Variants in MACROD2 observed in about 807,000 individuals in gnomAD.
MACROD2 encodes the protein mono-ADP ribosylhydrolase 2.
In MACROD2, 36 loss-of-function variants were observed where a neutral mutation model predicts 70.4. The observed-to-expected ratio is 0.51, with a 90% CI of 0.39 to 0.68. The LOEUF (loss-of-function observed/expected upper bound fraction) is 0.68. Among genes scored for constraint, MACROD2 ranks in the 30% least tolerant of loss-of-function variants. The pLI is 0.00. For missense variants in MACROD2, 496 were observed against 538.4 expected (o/e 0.92, Z 0.78); for synonymous variants, 172 against 178.8 (o/e 0.96, Z 0.30).
intron 5 of MACROD2, among the ~76,000 whole-genome samples, chr20:14,722,138 A>G (rs1040870320): frequency 1.3e-5 from 2 of 152,152 alleles, no homozygotes; most frequent in Admixed American, 6.5e-5. Flanking sequence ...TAAGACTCTC[A>G]TTTTTTGATG....
At chr20:15,365,253 T>C (rs1470925637) in intron 6 of MACROD2, among the ~76,000 whole-genome samples, 2 of 152,132 alleles carry the variant, frequency 1.3e-5, no homozygotes, top group African/African-American at 4.8e-5. Context: ...TTCTGAATAT[T>C]GAAAGATCTA....
intron 5 of MACROD2, among the ~76,000 whole-genome samples, chr20:14,973,924 A>G (rs2074714815): frequency 1.3e-5 from 2 of 152,164 alleles, no homozygotes; most frequent in African/African-American, 2.4e-5. Context: ...ACATAGAATA[A>G]TGTTTCCAAA....
chr20:15,716,606 G>T (rs1011281333), intron 8 of MACROD2, among the ~76,000 whole-genome samples: 1 of 152,156 alleles, frequency 6.6e-6, no homozygotes, highest in Admixed American at 6.5e-5. Context: ...ATTTTACAGT[G>T]TTTTAAAAAA....
intron 4 of MACROD2, among the ~76,000 whole-genome samples, chr20:14,566,318 TG>T (rs1316333591): frequency 2.0e-5 from 3 of 151,902 alleles, no homozygotes; most frequent in African/African-American, 7.2e-5. Flanking sequence ...TCCTAGCTAC[TG>T]GGAAGGCTGA....
rs186247232 is a variant in MACROD2, at chr20:14,342,046, G to C, written c.272-151433G>C. On this transcript the variant is annotated intron_variant, in intron 3 of 17. Coordinates refer to ENST00000684519, the MANE Select transcript of MACROD2 (RefSeq NM_001351661.2). Reference sequence around the variant, plus strand: ...AAAAGCCCCTGCACGGAGCCCTGGGGGGGTCACTGTTTCTCATTTGCTTAA... The same window carrying C: ...AAAAGCCCCTGCACGGAGCCCTGGGCGGGTCACTGTTTCTCATTTGCTTAA... 2.9e-3 allele frequency among the ~76,000 whole-genome samples: 443 copies of C among 152,246 alleles called. 1 individual carries two copies. The highest frequency in any genetic ancestry group is 3.6e-3 in the Non-Finnish European group (242 of 68,026).
chr20:14,611,297 A>G (rs1483077606), intron 4 of MACROD2, among the ~76,000 whole-genome samples: 2 of 152,136 alleles, frequency 1.3e-5, no homozygotes, highest in African/African-American at 4.8e-5. Context: ...GATGTGAAAC[A>G]TTAGAAGAAT....
intron 13 of MACROD2, among the ~76,000 whole-genome samples, chr20:15,977,638 G>T (rs183155772): frequency 6.6e-6 from 1 of 152,280 alleles, no homozygotes; most frequent in East Asian, 1.9e-4. Flanking sequence ...AATGGGTGCT[G>T]GGCAGGAAAA....
chr20:14,194,408 A>G (rs1020447201), intron 3 of MACROD2, among the ~76,000 whole-genome samples: 6 of 152,170 alleles, frequency 3.9e-5, no homozygotes, highest in African/African-American at 1.4e-4. Flanking sequence ...ACTAGAAGTG[A>G]ATGAGGGTAG....
chr20:14,698,779 TA>T (rs1354171197), intron 5 of MACROD2, among the ~76,000 whole-genome samples: 3 of 149,168 alleles, frequency 2.0e-5, no homozygotes, highest in African/African-American at 7.3e-5. Context: ...ATTATTTAAT[TA>T]AATAATTACA....
At chr20:15,212,940 A>C (rs2076776758) in intron 5 of MACROD2, among the ~76,000 whole-genome samples, 1 of 152,206 alleles carries the variant, frequency 6.6e-6, no homozygotes, top group Non-Finnish European at 1.5e-5. Context: ...CTAGAAACTC[A>C]TGTTTTGTTT....
intron 5 of MACROD2, among the ~76,000 whole-genome samples, chr20:14,711,525 G>T (rs16994825): frequency 6.6e-6 from 1 of 152,082 alleles, no homozygotes; most frequent in African/African-American, 2.4e-5. Flanking sequence ...ATTCTTGAAG[G>T]CTTTAAAAAT....
chr20:15,204,549 A>G (rs1361805065), intron 5 of MACROD2, among the ~76,000 whole-genome samples: 3 of 152,036 alleles, frequency 2.0e-5, no homozygotes, highest in African/African-American at 7.2e-5. Context: ...ACCTTGTGCA[A>G]CTCTTGAAAT....
At chr20:15,565,191 C>A (rs1052910915) in intron 8 of MACROD2, among the ~76,000 whole-genome samples, 1 of 152,142 alleles carries the variant, frequency 6.6e-6, no homozygotes, top group Non-Finnish European at 1.5e-5. Context: ...TTTCTGGTAA[C>A]TAACTTGCAT....
chr20:15,922,474 G>A (rs1295190397), intron 10 of MACROD2, among the ~76,000 whole-genome samples: 1 of 152,098 alleles, frequency 6.6e-6, no homozygotes, highest in East Asian at 1.9e-4. Flanking sequence ...AACATTTATA[G>A]CACATCTCAA....
chr20:14,554,961 C>T (rs573034004), intron 4 of MACROD2, among the ~76,000 whole-genome samples: 22 of 151,212 alleles, frequency 1.5e-4, no homozygotes, highest in Non-Finnish European at 2.8e-4. Context: ...GACATACTTC[C>T]TTCAAATATA....
chr20:14,408,882 GC>G (rs1411888258), intron 3 of MACROD2, among the ~76,000 whole-genome samples: 1 of 152,074 alleles, frequency 6.6e-6, no homozygotes, highest in Non-Finnish European at 1.5e-5. Flanking sequence ...TATTTTTAGG[GC>G]TGTTTGTAGT....
rs1269289336 is a variant in MACROD2, at chr20:14,236,311, G to C, written c.271+150583G>C. Among the ~76,000 whole-genome samples, 3 of 152,042 alleles carry C rather than the reference G, an allele frequency of 2.0e-5. No homozygotes were observed. The East Asian group carries it at 5.8e-4, about 29-fold the overall frequency. Reference sequence around the variant, plus strand: ...TAAGTGAGAAATCAACTGTGCAGTAGAACTTTTCCAGTTTATGTAATTCTT... The same window carrying C: ...TAAGTGAGAAATCAACTGTGCAGTACAACTTTTCCAGTTTATGTAATTCTT... On this transcript the variant is annotated intron_variant, in intron 3 of 17. Transcript: ENST00000684519.
At chr20:15,674,643 C>T (rs1402535555) in intron 8 of MACROD2, among the ~76,000 whole-genome samples, 1 of 151,930 alleles carries the variant, frequency 6.6e-6, no homozygotes, top group African/African-American at 2.4e-5. Context: ...GAACTGTGAA[C>T]CCTTAATGTC....
intron 3 of MACROD2, among the ~76,000 whole-genome samples, chr20:14,450,826 G>T (rs112325964): frequency 6.6e-6 from 1 of 152,034 alleles, no homozygotes; most frequent in African/African-American, 2.4e-5. Flanking sequence ...GACGAATTCC[G>T]AATGAAATAG....
Sources: allele counts gnomAD v4.1 joint callset (sites outside exome capture counted in the v4.1 genomes callset), GRCh38; gene constraint gnomAD v4.1.1; transcripts MANE v1.5; gene names NCBI Gene and HGNC (gene_info 2026-07-23, HGNC 2026-07-21).